Variants in CCDC57 observed in about 807,000 individuals in gnomAD.
CCDC57 encodes coiled-coil domain-containing protein 57.
A neutral mutation model predicts 118.9 loss-of-function variants in CCDC57; 118 were observed. The ratio of observed to expected loss-of-function variants is 0.99; its 90% confidence interval spans 0.86 to 1.16. The LOEUF (loss-of-function observed/expected upper bound fraction) is 1.16, where lower values mean the gene tolerates loss of function less well. Ranked by LOEUF, CCDC57 falls within the 50% of genes most tolerant of loss-of-function variation. The pLI, the probability that CCDC57 is intolerant of heterozygous loss-of-function variation, is 0.00. For synonymous variants in CCDC57, 527 were observed against 532.9 expected, an observed-to-expected ratio of 0.99 and a Z score of 0.15; for missense variants, 1,300 against 1,320.7, an observed-to-expected ratio of 0.98 and a Z score of 0.24.
chr17:82,126,968 C>T (rs11658340), intron 19 of CCDC57: 574,926 of 985,098 alleles, frequency 0.58, 169,530 homozygotes, highest in African/African-American at 0.61. Context: ...TCACACGTCC[C>T]GCAACTCCAG....
At chr17:82,153,396 G>A (rs1315436841) in intron 15 of CCDC57, 1 of 152,206 alleles carries the variant, frequency 6.6e-6, no homozygotes, top group African/African-American at 2.4e-5. Context: ...AGAAAATTCC[G>A]TCTTCAAAAG....
Position 82,171,685 on chromosome 17 carries a change from T to C in CCDC57, c.1882+16A>G, listed in dbSNP as rs367580356. 1.1e-4 allele frequency: 178 copies of C among 1,604,202 alleles called. 1 individual carries two copies. The highest frequency in any genetic ancestry group is 1.4e-4 in the Non-Finnish European group (160 of 1,171,840). Reference sequence around the variant, plus strand: ...TATAAGGGGACAGCAAGTACCCCACTGAGACGCGGACTTACCAGTCGTCTC... The same window carrying C: ...TATAAGGGGACAGCAAGTACCCCACCGAGACGCGGACTTACCAGTCGTCTC... On this transcript the variant is annotated intron_variant, in intron 13 of 19. Transcript: ENST00000665763.
chr17:82,130,164 G>A (rs1437632863), intron 17 of CCDC57, among the ~76,000 whole-genome samples: 1 of 152,062 alleles, frequency 6.6e-6, no homozygotes, highest in Non-Finnish European at 1.5e-5. Flanking sequence ...TGTCATCATG[G>A]CACTCCAGCC....
chr17:82,181,899 C>A lies in CCDC57; in HGVS notation c.1211+1875G>T, dbSNP rs918592430. ...TTGGGAGGCCAAGGCAGGTGGATCA[C>A]CTGAAGTCAGGAGTTCAAGACCAGC... On this transcript the variant is annotated intron_variant, in intron 9 of 19. Transcript: ENST00000665763. 2.7e-4 allele frequency among the ~76,000 whole-genome samples: 41 copies of A among 152,186 alleles called. 1 individual carries two copies. Among genetic ancestry groups the A allele is most frequent in the Admixed American group, 1.3e-4 (2 of 15,278 alleles).
intron 17 of CCDC57, among the ~76,000 whole-genome samples, chr17:82,133,546 A>C (rs2038735413): frequency 6.7e-6 from 1 of 149,924 alleles, no homozygotes; most frequent in Admixed American, 6.7e-5. Context: ...TATACATGAT[A>C]CAATTTGTAA....
At chr17:82,127,331 C>A in intron 19 of CCDC57, 3 of 985,194 alleles carry the variant, frequency 3.0e-6, no homozygotes, top group Non-Finnish European at 2.4e-6. Context: ...TGCACCAATG[C>A]CCACGCGTCT....
chr17:82,106,965 CG>C (rs1343653818), intron 19 of CCDC57, among the ~76,000 whole-genome samples: 1 of 152,218 alleles, frequency 6.6e-6, no homozygotes, highest in East Asian at 1.9e-4. Flanking sequence ...GCCATGTCCC[CG>C]GGGAACAGCA....
intron 4 of CCDC57, 142 bp from the exon 4 acceptor site, chr17:82,195,506 C>G: frequency 1.4e-6 from 1 of 695,288 alleles, no homozygotes; most frequent in Non-Finnish European, 2.5e-6. Flanking sequence ...AGGAGAGAAG[C>G]TGGGGTCAGC....
intron 11 of CCDC57, among the ~76,000 whole-genome samples, chr17:82,176,264 A>T (rs918769403): frequency 4.7e-5 from 7 of 149,472 alleles, no homozygotes; most frequent in Admixed American, 2.7e-4. Flanking sequence ...GGCTCAGGGC[A>T]TAAAACCCCT....
At chr17:82,150,434 G>A (rs555223542) in intron 16 of CCDC57, among the ~76,000 whole-genome samples, 4 of 148,892 alleles carry the variant, frequency 2.7e-5, no homozygotes, top group African/African-American at 1.0e-4. Context: ...CCCGCACCTA[G>A]AACCAGGCAC....
intron 13 of CCDC57, among the ~76,000 whole-genome samples, chr17:82,169,317 C>T (rs934078016): frequency 7.9e-5 from 12 of 152,114 alleles, no homozygotes; most frequent in East Asian, 1.9e-4. Context: ...TTAGTAGAGA[C>T]GGGGTTTCAC....
intron 7 of CCDC57, among the ~76,000 whole-genome samples, chr17:82,191,932 T>C (rs1035328737): frequency 3.3e-5 from 5 of 151,974 alleles, no homozygotes; most frequent in Non-Finnish European, 7.4e-5. Flanking sequence ...CCTCCCAAAG[T>C]ACTAGGATTA....
chr17:82,175,295 C>T (rs1281822085), intron 11 of CCDC57, among the ~76,000 whole-genome samples: 1 of 152,254 alleles, frequency 6.6e-6, no homozygotes, highest in Non-Finnish European at 1.5e-5. Context: ...AGGCTATGTC[C>T]CAGGACGCGC....
intron 17 of CCDC57, 47 bp downstream of exon 16, chr17:82,134,026 T>C: frequency 7.5e-7 from 1 of 1,331,156 alleles, no homozygotes; most frequent in Non-Finnish European, 9.7e-7. Flanking sequence ...ACGACACAAT[T>C]AGGGAAATAT....
chr17:82,212,416 T>A lies in CCDC57; in HGVS notation c.-211+369A>T, dbSNP rs1177260695. On this transcript the variant is annotated intron_variant, in intron 1 of 19. Coordinates refer to ENST00000665763, the Ensembl canonical transcript of CCDC57. This position sits in a 1 kb window ranked among gnomAD's most constrained non-coding sequence, Gnocchi z 4.1. ...TCCTCTCTTTTTTTTTTTTTTTTTT[T>A]AAACTCACAGACACTGTAAGGCTGC... 5.6e-4 allele frequency among the ~76,000 whole-genome samples: 81 copies of A among 145,124 alleles called. No homozygotes were observed. Among genetic ancestry groups the A allele is most frequent in the Non-Finnish European group, 1.1e-3 (71 of 65,410 alleles).
rs879427160 is a variant in CCDC57 at position 82,172,953 on chromosome 17, CG to C, written c.1507-94del. On this transcript the variant is annotated intron_variant, in intron 11 of 19. Transcript: ENST00000665763. The surrounding 1 kb of genome is among the most constrained non-coding windows in gnomAD (Gnocchi z 5.2). ...GCCTCCGCTCTCCCCGCGCCCCTCTCGGGCCGGTCCCCCGCTTCAGCTTGGG... is the reference window on the plus strand; with the variant it reads ...GCCTCCGCTCTCCCCGCGCCCCTCTCGGCCGGTCCCCCGCTTCAGCTTGGG... The C allele has an allele frequency of 8.8e-7, 1 of 1,139,818 alleles. No homozygotes were observed. The highest frequency in any genetic ancestry group is 1.5e-5 in the African/African-American group (1 of 65,330). The allele number at this position is 1,139,818 out of a possible 1,614,324, so 70.6% of individuals were successfully genotyped here.
chr17:82,198,763 G>A lies in CCDC57; in HGVS notation c.408-341C>T, dbSNP rs377561115. ...CCCAGCACTTTGGGAGGCCGAGGTG[G>A]GCGGATCACAAGGTCAGGAGATCGA... On this transcript the variant is annotated intron_variant, in intron 3 of 19. Transcript: ENST00000665763. Among the ~76,000 whole-genome samples the A allele has an allele frequency of 1.3e-4, 20 of 152,136 alleles. No homozygotes were observed. The East Asian group carries it at 3.1e-3, about 24-fold the overall frequency.
At chr17:82,188,578 C>G (rs2047268582) in intron 7 of CCDC57, among the ~76,000 whole-genome samples, 159 bp from the exon 7 acceptor site, 1 of 152,254 alleles carries the variant, frequency 6.6e-6, no homozygotes, top group Non-Finnish European at 1.5e-5. Flanking sequence ...TTCCTCATTC[C>G]TCGCAGGTAA....
chr17:82,129,922 C>T (rs973147720), intron 17 of CCDC57, among the ~76,000 whole-genome samples: 4 of 151,688 alleles, frequency 2.6e-5, no homozygotes, highest in South Asian at 4.2e-4. Context: ...TTAGGCTGGG[C>T]GCGGTAGCTC....
Sources: gnomAD v4.1 joint callset for allele counts (sites outside exome capture counted in the v4.1 genomes callset) on GRCh38, gnomAD v4.1.1 for gene constraint, Gnocchi (gnomAD v3.1) non-coding constraint, MANE v1.5 for transcripts, NCBI Gene and HGNC (gene_info 2026-07-23, HGNC 2026-07-21) for gene names.